The following PDZD2 variants were observed in gnomAD, a reference collection of about 807,000 sequenced individuals.
PDZD2 encodes PDZ domain containing 2.
A neutral mutation model predicts 220.7 loss-of-function variants in PDZD2; 90 were observed. The observed-to-expected ratio is 0.41, with a 90% CI of 0.34 to 0.49. The LOEUF is 0.49. PDZD2 is among the 20% of genes least tolerant of loss of function. The pLI, the probability that PDZD2 is intolerant of heterozygous loss-of-function variation, is 0.28. For synonymous variants in PDZD2, 1,375 were observed against 1,450.5 expected (o/e 0.95, Z 1.18); for missense variants, 3,174 against 3,608.5 (o/e 0.88, Z 3.08).
chr5:31,700,270 G>A lies in PDZD2; in HGVS notation c.-361+60833G>A, dbSNP rs950545227. On this transcript the variant is annotated intron_variant, in intron 1 of 24. Transcript: ENST00000438447. ...CTGATTTCGGGGCCAGGAGTGTATG[G>A]TGGGGCCTTTCAGGAGGCAGGAGGG... 1.1e-4 allele frequency among the ~76,000 whole-genome samples: 16 copies of A among 152,306 alleles called. No individual in the cohort carries two copies. In the East Asian group the frequency reaches 3.1e-3, roughly 29 times the overall value.
chr5:31,780,527 A>G (rs1380291024), intron 1 of PDZD2, among the ~76,000 whole-genome samples: 1 of 152,232 alleles, frequency 6.6e-6, no homozygotes, highest in Non-Finnish European at 1.5e-5. Flanking sequence ...GTGTCTATAG[A>G]GAAATAATGA....
At chr5:31,902,912 GCATGT>G (rs1742230249) in intron 2 of PDZD2, among the ~76,000 whole-genome samples, 1 of 151,256 alleles carries the variant, frequency 6.6e-6, no homozygotes, top group South Asian at 2.1e-4. Context: ...TTATTTCTTT[GCATGT>G]CAATTTCTCA....
At chr5:31,962,743 A>C (rs1748369078) in intron 2 of PDZD2, among the ~76,000 whole-genome samples, 1 of 152,146 alleles carries the variant, frequency 6.6e-6, no homozygotes, top group Admixed American at 6.5e-5. Flanking sequence ...AGTATTTGTG[A>C]GTCTCAAGGG....
chr5:32,064,304 C>T (rs567853171), intron 14 of PDZD2, among the ~76,000 whole-genome samples: 2 of 151,588 alleles, frequency 1.3e-5, no homozygotes, highest in East Asian at 3.9e-4. Flanking sequence ...TGCAGTGGTG[C>T]AGTCTCAGCT....
At position 32,087,154 on chromosome 5, in the gene PDZD2, A is replaced by G; in HGVS notation, c.3706A>G (p.Ile1236Val). Residue 1236 changes from isoleucine to valine, a missense_variant, in exon 20 of 25, where the codon ATC becomes GTC. By Grantham distance (29) the Ile-to-Val change is conservative (BLOSUM62 3). Transcript: ENST00000438447. The surrounding 1 kb of genome is among the most constrained non-coding windows in gnomAD (Gnocchi z 4.0). ...MTELDSSSDL[I>V]SSPGKKGAAH... ...AGAACTGGACAGCTCCTCAGACCTC[A>G]TCTCTTCCCCAGGGAAGAAGGGGGC... 6.2e-7 allele frequency: 1 copy of G among 1,610,228 alleles called. No individual in the cohort carries two copies. Among genetic ancestry groups the G allele is most frequent in the South Asian group, 1.1e-5 (1 of 90,938 alleles).
intron 3 of PDZD2, among the ~76,000 whole-genome samples, chr5:31,985,648 C>T (rs1190019472): frequency 2.0e-5 from 3 of 151,818 alleles, no homozygotes; most frequent in Admixed American, 6.6e-5. Flanking sequence ...AGCCAGGAAT[C>T]GCACCACCAC....
At chr5:32,062,381 C>T (rs1029761870) in intron 14 of PDZD2, among the ~76,000 whole-genome samples, 3 of 149,980 alleles carry the variant, frequency 2.0e-5, no homozygotes, top group African/African-American at 7.4e-5. Context: ...TAGATCAAGT[C>T]CTCAAGACTA....
At chr5:31,981,718 T>G (rs6873807) in intron 2 of PDZD2, among the ~76,000 whole-genome samples, 2,971 of 152,292 alleles carry the variant, frequency 0.02, 97 homozygotes, top group African/African-American at 0.069. Flanking sequence ...ACGAGTGATG[T>G]GTAGAATGTG....
At chr5:31,897,141 T>G (rs556221458) in intron 2 of PDZD2, among the ~76,000 whole-genome samples, 3 of 152,300 alleles carry the variant, frequency 2.0e-5, no homozygotes, top group African/African-American at 7.2e-5. Context: ...TAAACTATTT[T>G]TTTTCCTGCT....
intron 2 of PDZD2, among the ~76,000 whole-genome samples, chr5:31,887,925 C>T (rs899476713): frequency 3.3e-5 from 5 of 151,970 alleles, no homozygotes; most frequent in Admixed American, 3.3e-4. Flanking sequence ...CGAAGAGTGG[C>T]GAGAGTCGGG....
intron 1 of PDZD2, among the ~76,000 whole-genome samples, chr5:31,678,765 C>T (rs1746542203): frequency 6.6e-6 from 1 of 152,106 alleles, no homozygotes; most frequent in Non-Finnish European, 1.5e-5. Flanking sequence ...CGCCACCACA[C>T]CTGGCTAATT....
intron 1 of PDZD2, among the ~76,000 whole-genome samples, chr5:31,673,674 T>C (rs754220423): frequency 2.0e-5 from 3 of 152,154 alleles, no homozygotes; most frequent in Non-Finnish European, 4.4e-5. Flanking sequence ...ACTCCCCTTA[T>C]AAGAAGAGAT....
At chr5:31,767,246 G>A (rs1166162466) in intron 1 of PDZD2, among the ~76,000 whole-genome samples, 2 of 151,972 alleles carry the variant, frequency 1.3e-5, no homozygotes, top group East Asian at 3.9e-4. Context: ...TGGCCAGGCT[G>A]GGCTCCAACT....
intron 4 of PDZD2, among the ~76,000 whole-genome samples, chr5:31,999,059 C>G (rs1751881408): frequency 1.3e-5 from 2 of 152,244 alleles, no homozygotes; most frequent in South Asian, 4.1e-4. Context: ...CTGACCCTCC[C>G]TAGGGGAGGC....
At chr5:31,901,727 C>T (rs1742122447) in intron 2 of PDZD2, among the ~76,000 whole-genome samples, 1 of 152,030 alleles carries the variant, frequency 6.6e-6, no homozygotes. Flanking sequence ...ATTTTAATCA[C>T]CCCTAAAAGA....
chr5:31,827,072 G>C (rs549341469), intron 2 of PDZD2, among the ~76,000 whole-genome samples: 105 of 152,302 alleles, frequency 6.9e-4, no homozygotes, highest in African/African-American at 2.4e-3. Flanking sequence ...TCTGTAAGTG[G>C]CATCCTGGCC....
chr5:31,979,148 A>G (rs2111842708), intron 2 of PDZD2, among the ~76,000 whole-genome samples: 1 of 152,356 alleles, frequency 6.6e-6, no homozygotes, highest in Middle Eastern at 3.4e-3. Flanking sequence ...CGTGTTGTTT[A>G]GAGATTTAAC....
chr5:31,799,724 G>C lies in PDZD2; in HGVS notation c.476G>C (p.Ser159Thr). 1 of 1,598,264 alleles carries C rather than the reference G, an allele frequency of 6.3e-7. No individual in the cohort carries two copies. The highest frequency in any genetic ancestry group is 8.6e-7 in the Non-Finnish European group (1 of 1,165,880). Residue 159 changes from serine (S) to threonine (T), a missense_variant and splice_region_variant, in exon 2 of 25, where the codon AGT becomes ACT. This residue lies in a region of PDZD2 where 632 missense variants were observed against 708.1 expected (regional missense o/e 0.89). Transcript: ENST00000438447. ...GTTGGAGTTGATGTCAGTGGGGCCA[G>C]GTAAGTAGGGGGAATGCCTGCTGGC... ...LMVGVDVSGA[S>T]YLAEQCWNGG...
chr5:31,954,762 A>G (rs1747505842), intron 2 of PDZD2, among the ~76,000 whole-genome samples: 1 of 152,152 alleles, frequency 6.6e-6, no homozygotes, highest in Non-Finnish European at 1.5e-5. Context: ...CCCCGTCTCT[A>G]CTAAAAATAC....
Sources: allele counts gnomAD v4.1 joint callset (sites outside exome capture counted in the v4.1 genomes callset), GRCh38; gene constraint gnomAD v4.1.1; regional missense constraint gnomAD v4.1.1; non-coding constraint Gnocchi (gnomAD v3.1); transcripts MANE v1.5; gene names NCBI Gene and HGNC (gene_info 2026-07-23, HGNC 2026-07-21).